PDE4C: variants seen among roughly 807,000 people sequenced by gnomAD.
The protein encoded by PDE4C is phosphodiesterase 4C.
A neutral mutation model predicts 63.9 loss-of-function variants in PDE4C; 50 were observed. That is an observed-to-expected ratio of 0.78 (90% CI 0.62 to 0.99). The LOEUF is 0.99. PDE4C is among the 50% of genes least tolerant of loss of function. PDE4C has a pLI of 0.00. For synonymous variants in PDE4C, 377 were observed against 385.1 expected (o/e 0.98, Z 0.25); for missense variants, 777 against 899.1 (o/e 0.86, Z 1.74).
chr19:18,215,864 CTG>C (rs1385526141), intron 12 of PDE4C, among the ~76,000 whole-genome samples: 1 of 142,592 alleles, frequency 7.0e-6, no homozygotes, highest in Non-Finnish European at 1.5e-5. Context: ...GAGTCTCACT[CTG>C]TTGCTGAGGC....
At chr19:18,218,633 ACTC>A (rs1234886971) in intron 9 of PDE4C, 135 bp from the exon 10 acceptor site, 2 of 944,336 alleles carry the variant, frequency 2.1e-6, no homozygotes, top group Admixed American at 2.2e-5. Context: ...GCTCTCCTGA[ACTC>A]CTCCACTCTG....
chr19:18,252,449 A>C (rs1969241924), upstream of PDE4C: 1 of 398,938 alleles, frequency 2.5e-6, no homozygotes, highest in Non-Finnish European at 4.4e-6. Context: ...ATGTCTCCAT[A>C]CTGTTCTCTG....
rs1447060446 is a variant in PDE4C, at chr19:18,218,254, C to T, written c.1135-6G>A. On this transcript the variant is annotated splice_polypyrimidine_tract_variant and splice_region_variant and intron_variant, in intron 10 of 14. Coordinates refer to ENST00000262805, the Ensembl canonical transcript of PDE4C. ...TCCAAGTCTGTGAACACAGCCTGAG[C>T]AGGCAGAGGGCACAGGCGGTGAGGG... 1.9e-6 allele frequency: 3 copies of T among 1,614,152 alleles called. No homozygotes were observed. The highest frequency in any genetic ancestry group is 1.7e-5 in the Admixed American group (1 of 60,032).
chr19:18,235,606 C>T (rs1402670049), upstream of PDE4C, among the ~76,000 whole-genome samples: 1 of 152,154 alleles, frequency 6.6e-6, no homozygotes, highest in East Asian at 1.9e-4. Flanking sequence ...TCCTTGGTCT[C>T]CTTCCACTCC....
intron 4 of PDE4C, 56 bp downstream of exon 4, chr19:18,221,049 T>TCCGCCAGGGCCCCCCCCCCCCCCC: frequency 8.1e-7 from 1 of 1,239,960 alleles, no homozygotes; most frequent in Non-Finnish European, 1.1e-6. Context: ...CAGCCCGCTT[T>TCCGCCAGGGCCCCCCCCCCCCCCC]CCGCCCACCT....
At chr19:18,211,202 G>T in exon 15 of PDE4C, 1 of 1,613,834 alleles carries the variant, frequency 6.2e-7, no homozygotes, top group African/African-American at 1.3e-5. Context: ...TGTCCAGCAG[G>T]TCCTGTGCAT....
chr19:18,226,542 C>T, upstream of PDE4C: 1 of 579,710 alleles, frequency 1.7e-6, no homozygotes, highest in South Asian at 4.7e-5. Flanking sequence ...GCCGGCGGCT[C>T]CCTGACGACC....
At chr19:18,247,595 C>T (rs1969153698) in intron 1 of PDE4C, among the ~76,000 whole-genome samples, 1 of 152,198 alleles carries the variant, frequency 6.6e-6, no homozygotes, top group Non-Finnish European at 1.5e-5. Flanking sequence ...CGCGCCTGGC[C>T]AGCTCTGGGT....
At chr19:18,210,745 G>T in exon 15 of PDE4C, 1 of 1,020,044 alleles carries the variant, frequency 9.8e-7, no homozygotes, top group Non-Finnish European at 1.4e-6. Flanking sequence ...GGGTCAGAGT[G>T]GACCCCAGCC....
At chr19:18,252,216 C>G (rs1457405658), upstream of PDE4C, 1 of 398,922 alleles carries the variant, frequency 2.5e-6, no homozygotes, top group African/African-American at 2.1e-5. Context: ...GGAGCCAGAA[C>G]TAGGGTGCGT....
At chr19:18,232,865 G>A (rs1432502401) in intron 1 of PDE4C, 15 of 1,360,116 alleles carry the variant, frequency 1.1e-5, no homozygotes, top group Non-Finnish European at 1.4e-5. Context: ...CCGCCCCCTG[G>A]AGAAGCAAGG....
chr19:18,221,181 G>C lies in PDE4C; in HGVS notation c.376-3C>G. The C allele has an allele frequency of 1.3e-6, 2 of 1,573,526 alleles. No homozygotes were observed. The highest frequency in any genetic ancestry group is 1.7e-6 in the Non-Finnish European group (2 of 1,165,848). ...ACGGTCCGCAGACTGGCCAGGACCT[G>C]TTGGGAGGAGGTGGTAGGCGGTGGG... On this transcript the variant is annotated splice_region_variant and splice_polypyrimidine_tract_variant and intron_variant, in intron 3 of 14. Transcript: ENST00000262805.
intron 1 of PDE4C, chr19:18,225,899 TCC>T (rs1968699044): frequency 5.1e-6 from 1 of 195,688 alleles, no homozygotes; most frequent in Non-Finnish European, 1.1e-5. Flanking sequence ...TTCCCCCTCC[TCC>T]CACTGCCAGG....
At chr19:18,211,586 T>G (rs1386984482) in intron 14 of PDE4C, 173 bp downstream of exon 14, 1 of 714,918 alleles carries the variant, frequency 1.4e-6, no homozygotes, top group African/African-American at 1.8e-5. Flanking sequence ...TGCATGTCCC[T>G]CTCCCTGAAG....
intron 12 of PDE4C, among the ~76,000 whole-genome samples, chr19:18,216,266 T>C (rs1435075537): frequency 6.6e-6 from 1 of 151,176 alleles, no homozygotes; most frequent in African/African-American, 2.4e-5. Flanking sequence ...AGCCCCTTTT[T>C]TTTTTTTTTT....
At chr19:18,224,494 T>C (rs746758920) in intron 1 of PDE4C, 5 of 985,506 alleles carry the variant, frequency 5.1e-6, no homozygotes, top group Non-Finnish European at 6.0e-6. Context: ...TCACGTCGAA[T>C]TGGACTTGGT....
chr19:18,232,449 C>A (rs1968869961), intron 1 of PDE4C, among the ~76,000 whole-genome samples: 1 of 151,172 alleles, frequency 6.6e-6, no homozygotes, highest in Non-Finnish European at 1.5e-5. Context: ...CCCAGGGTTA[C>A]CTCGGGTGCT....
Position 18,233,082 on chromosome 19 carries a change from CGGGG to C in PDE4C, c.106_109del (p.Pro36GlyfsTer25). On this transcript the variant is annotated frameshift_variant, in exon 1 of 15. Transcript: ENST00000594465. LOFTEE classifies it high-confidence loss of function. ...GCGCTGTTGGATGCGGATGGGGCGC[CGGGG>C]TTGCCGCCACAGGTGCTTCGGGGCT... 3.2e-6 allele frequency: 5 copies of C among 1,570,030 alleles called. No individual in the cohort carries two copies. Among genetic ancestry groups the C allele is most frequent in the Non-Finnish European group, 4.3e-6 (5 of 1,158,068 alleles).
At chr19:18,236,922 C>G (rs1033108380), upstream of PDE4C, 2 of 152,758 alleles carry the variant, frequency 1.3e-5, no homozygotes, top group African/African-American at 4.8e-5. Flanking sequence ...CACATGGGTA[C>G]TGGGCTCGAC....
Sources: gnomAD v4.1 joint callset for allele counts (sites outside exome capture counted in the v4.1 genomes callset) on GRCh38, gnomAD v4.1.1 for gene constraint, MANE v1.5 for transcripts, NCBI Gene and HGNC (gene_info 2026-07-23, HGNC 2026-07-21) for gene names.